DAB1: variants seen among roughly 807,000 people sequenced by gnomAD.
The protein encoded by DAB1 is DAB adaptor protein 1.
Under a neutral mutation model 64.6 loss-of-function variants are expected in DAB1, and 15 were observed. That is an observed-to-expected ratio of 0.23 (90% confidence interval 0.16 to 0.36). The LOEUF is 0.36. DAB1 is among the 10% of genes least tolerant of loss of function. The pLI is 1.00. For synonymous variants in DAB1, 235 were observed against 251.9 expected, an observed-to-expected ratio of 0.93 and a Z score of 0.64; for missense variants, 596 against 706.7, an observed-to-expected ratio of 0.84 and a Z score of 1.78.
At chr1:57,151,655 G>T (rs2100845834) in intron 2 of DAB1, among the ~76,000 whole-genome samples, 1 of 151,790 alleles carries the variant, frequency 6.6e-6, no homozygotes, top group South Asian at 2.1e-4. Flanking sequence ...TTTCAATTTG[G>T]GGTTTTCAAA....
chr1:57,067,608 C>A (rs1471224013), intron 8 of DAB1, among the ~76,000 whole-genome samples: 4 of 152,152 alleles, frequency 2.6e-5, no homozygotes, highest in African/African-American at 9.7e-5. Context: ...TCCTGTAAAA[C>A]AAGCTAACCT....
chr1:57,657,260 C>T (rs35185138), intron 6 of DAB1, among the ~76,000 whole-genome samples: 24,681 of 152,246 alleles, frequency 0.16, 2,965 homozygotes, highest in East Asian at 0.59. Context: ...CTCATCTGCA[C>T]ATCCCCAAGA....
At chr1:58,406,892 T>A (rs752454820) in intron 3 of DAB1, among the ~76,000 whole-genome samples, 1 of 152,036 alleles carries the variant, frequency 6.6e-6, no homozygotes, top group Non-Finnish European at 1.5e-5. Context: ...CTCTGGACCG[T>A]CTCAGCTGGA....
chr1:58,397,840 A>G (rs1387258779), intron 3 of DAB1, among the ~76,000 whole-genome samples: 2 of 152,142 alleles, frequency 1.3e-5, no homozygotes, highest in African/African-American at 4.8e-5. Context: ...TTGAATCTGT[A>G]ACCTGGGGAT....
chr1:58,075,146 CAG>C (rs763251521), intron 5 of DAB1, among the ~76,000 whole-genome samples: 23 of 152,282 alleles, frequency 1.5e-4, no homozygotes, highest in Non-Finnish European at 2.2e-4. Flanking sequence ...ACCTAGGAAA[CAG>C]AGAATTTCTT....
chr1:57,669,321 C>T (rs1346333703), intron 6 of DAB1, among the ~76,000 whole-genome samples: 2 of 152,092 alleles, frequency 1.3e-5, no homozygotes, highest in Non-Finnish European at 1.5e-5. Flanking sequence ...ACTGATATTA[C>T]ACCTAAGTAT....
intron 2 of DAB1, among the ~76,000 whole-genome samples, chr1:57,280,759 G>A (rs1671823848): frequency 6.6e-6 from 1 of 152,146 alleles, no homozygotes; most frequent in African/African-American, 2.4e-5. Flanking sequence ...CTGAATTGTA[G>A]GAATTTTGAA....
intron 4 of DAB1, among the ~76,000 whole-genome samples, chr1:58,285,350 C>G (rs1661658047): frequency 6.6e-6 from 1 of 152,088 alleles, no homozygotes; most frequent in East Asian, 1.9e-4. Flanking sequence ...AATCGGAAGT[C>G]AAACTGTCTC....
intron 6 of DAB1, among the ~76,000 whole-genome samples, chr1:57,740,920 A>G (rs1647960543): frequency 6.6e-6 from 1 of 152,116 alleles, no homozygotes; most frequent in African/African-American, 2.4e-5. Context: ...GAAAGGAGGG[A>G]GTAAAGGAGG....
chr1:58,188,118 A>G (rs991530257), intron 4 of DAB1, among the ~76,000 whole-genome samples: 1 of 151,844 alleles, frequency 6.6e-6, no homozygotes, highest in Admixed American at 6.6e-5. Context: ...CATGTTGGCC[A>G]GACTGGTCTC....
In DAB1 at chr1:57,145,312, T is replaced by C. The variant is rs773619574; in HGVS notation, c.185A>G (p.Gln62Arg). The change falls in exon 3 of 15, where the codon CAA becomes CGA. Residue 62 changes from glutamine (Q) to arginine (R), a missense_variant. By Grantham distance (43) the Gln-to-Arg change is conservative. Coordinates refer to ENST00000371236, the MANE Select transcript of DAB1 (RefSeq NM_001365792.1). Reference protein sequence around the residue: ...VSAARGDKLCQDSMMKLKGVV... With the variant: ...VSAARGDKLCRDSMMKLKGVV... ...CACCTTGAGTTTCATCATGGAATCT[T>C]GACATAACTTGTCTCCCCGAGCTGC... is the stretch of plus-strand genomic sequence containing the variant. 2 of 1,614,124 alleles carry C rather than the reference T, an allele frequency of 1.2e-6. No individual in the cohort carries two copies. Among genetic ancestry groups the C allele is most frequent in the Non-Finnish European group, 1.7e-6 (2 of 1,179,982 alleles).
chr1:57,914,880 C>T (rs1644702961), intron 5 of DAB1, among the ~76,000 whole-genome samples: 1 of 152,122 alleles, frequency 6.6e-6, no homozygotes, highest in Admixed American at 6.5e-5. Flanking sequence ...TCAGGCACCA[C>T]CCCAGAATTT....
chr1:57,600,039 A>G (rs1645557839), intron 7 of DAB1, among the ~76,000 whole-genome samples: 1 of 152,072 alleles, frequency 6.6e-6, no homozygotes, highest in Non-Finnish European at 1.5e-5. Flanking sequence ...CAGGTCTCAC[A>G]TTTGATACCT....
At chr1:57,400,453 G>C (rs1683153766) in intron 1 of DAB1, among the ~76,000 whole-genome samples, 2 of 151,698 alleles carry the variant, frequency 1.3e-5, no homozygotes, top group Non-Finnish European at 2.9e-5. Flanking sequence ...CTCCCAATAA[G>C]TGCAAAGTAG....
At position 57,015,079 on chromosome 1, in the gene DAB1, C is replaced by A. The variant is rs1646381867; in HGVS notation, c.1248G>T (p.Lys416Asn). The change falls in exon 12 of 15, where the codon AAG becomes AAT. Residue 416 changes from lysine (K) to asparagine (N), a missense_variant. Transcript: ENST00000371236. The stretch of plus-strand genomic sequence containing the variant: ...GCGGAGGCTGGGCCATCTGGAAATC[C>A]TTAAACGTTTCTTTGCCCATTTTCT... ...PRQKMGKETFKDFQMAQPPPV... is the reference protein window; with the variant it reads ...PRQKMGKETFNDFQMAQPPPV... 6.2e-7 allele frequency: 1 copy of A among 1,614,206 alleles called. No individual in the cohort carries two copies. The highest frequency in any genetic ancestry group is 8.5e-7 in the Non-Finnish European group (1 of 1,180,036).
intron 5 of DAB1, among the ~76,000 whole-genome samples, chr1:58,130,634 C>T (rs1653485938): frequency 1.3e-5 from 2 of 152,102 alleles, no homozygotes; most frequent in South Asian, 2.1e-4. Flanking sequence ...CCTTCAGGAG[C>T]TCTTGTAAGG....
rs1570576592 is a variant in DAB1 at position 57,042,909 on chromosome 1, C to CAAA, written c.724-16867_724-16866insTTT. Among the ~76,000 whole-genome samples the CAAA allele has an allele frequency of 2.0e-5, 3 of 152,052 alleles. No homozygotes were observed. In the East Asian group the frequency reaches 5.8e-4, roughly 30 times the overall value. On this transcript the variant is annotated intron_variant, in intron 9 of 14. Transcript: ENST00000371236. ...GAGATATGGCATTTGTTATTAGGAA[C>CAAA]TCCAGAAAAAAGCTGTCACATCTAC...
intron 7 of DAB1, among the ~76,000 whole-genome samples, chr1:57,600,619 A>G (rs1645566166): frequency 6.6e-6 from 1 of 152,154 alleles, no homozygotes; most frequent in African/African-American, 2.4e-5. Context: ...ACAGAGAGGA[A>G]GCCCCTTTCT....
At chr1:57,758,842 T>C (rs1036362005) in intron 6 of DAB1, among the ~76,000 whole-genome samples, 4 of 152,186 alleles carry the variant, frequency 2.6e-5, no homozygotes, top group African/African-American at 9.6e-5. Context: ...TAATTGAACC[T>C]ACTTTTGTCT....
Sources: gnomAD v4.1 joint callset for allele counts (sites outside exome capture counted in the v4.1 genomes callset) on GRCh38, gnomAD v4.1.1 for gene constraint, MANE v1.5 for transcripts, NCBI Gene and HGNC (gene_info 2026-07-23, HGNC 2026-07-21) for gene names.